Variants in MAF observed in about 807,000 individuals in gnomAD.
MAF encodes MAF bZIP transcription factor.
A neutral mutation model predicts 22.0 loss-of-function variants in MAF; 10 were observed. That is an observed-to-expected ratio of 0.45 (90% CI 0.28 to 0.77). MAF has a LOEUF of 0.77. Ranked by LOEUF, MAF falls within the 30% of genes least tolerant of loss-of-function variation. The pLI, the probability that MAF is intolerant of heterozygous loss-of-function variation, is 0.12. For missense variants in MAF, 544 were observed against 548.4 expected (o/e 0.99, Z 0.08); for synonymous variants, 337 against 255.8 (o/e 1.32, Z -3.03).
chr16:79,218,211 G>C, the MAF span, among the ~76,000 whole-genome samples: 2 of 151,378 alleles, frequency 1.3e-5, no homozygotes, highest in Non-Finnish European at 2.9e-5. Context: ...CATGGTATTT[G>C]GCTTCATGCC....
chr16:79,427,971 T>C, the MAF span, among the ~76,000 whole-genome samples: 20 of 151,920 alleles, frequency 1.3e-4, no homozygotes, highest in Non-Finnish European at 2.6e-4. Flanking sequence ...CACCCTTGAT[T>C]GCTCATAGCT....
At chr16:79,346,319 TTC>T in the MAF span, among the ~76,000 whole-genome samples, 1 of 152,076 alleles carries the variant, frequency 6.6e-6, no homozygotes, top group Non-Finnish European at 1.5e-5. Context: ...GAATGATGGT[TTC>T]CAGCTTCATC....
chr16:79,594,861 T>C (rs572324586), intron 1 of MAF: 1 of 1,220,848 alleles, frequency 8.2e-7, no homozygotes, highest in Admixed American at 4.0e-5. Context: ...TTGCATTTGA[T>C]TTTCTAAAGT....
the MAF span, among the ~76,000 whole-genome samples, chr16:79,283,409 A>G: frequency 6.6e-6 from 1 of 152,342 alleles, no homozygotes; most frequent in Middle Eastern, 3.4e-3. Context: ...ATTGGTAAAA[A>G]GTTCTCCTCA....
chr16:79,492,036 A>G, the MAF span, among the ~76,000 whole-genome samples: 1 of 152,152 alleles, frequency 6.6e-6, no homozygotes, highest in African/African-American at 2.4e-5. Context: ...CAAGCTCAAA[A>G]TATTTTCCCC....
the MAF span, among the ~76,000 whole-genome samples, chr16:79,320,741 C>A: frequency 3.9e-5 from 6 of 152,174 alleles, no homozygotes; most frequent in African/African-American, 9.7e-5. Flanking sequence ...TGATATAAAA[C>A]TATAGTAGTG....
chr16:79,382,010 T>C, the MAF span, among the ~76,000 whole-genome samples: 3 of 152,194 alleles, frequency 2.0e-5, no homozygotes, highest in Non-Finnish European at 4.4e-5. Flanking sequence ...TTAGACATCC[T>C]CCGCTGCTTC....
chr16:79,234,042 A>C, the MAF span, among the ~76,000 whole-genome samples: 1 of 151,456 alleles, frequency 6.6e-6, no homozygotes, highest in Non-Finnish European at 1.5e-5. Flanking sequence ...ATCAAACACC[A>C]ATTTTTGCTT....
chr16:79,344,365 G>A, the MAF span, among the ~76,000 whole-genome samples: 1 of 152,188 alleles, frequency 6.6e-6, no homozygotes, highest in African/African-American at 2.4e-5. Context: ...TCATATCCAA[G>A]TCTGGTGGGT....
At chr16:79,545,697 T>C in the MAF span, among the ~76,000 whole-genome samples, 1 of 152,158 alleles carries the variant, frequency 6.6e-6, no homozygotes, top group Non-Finnish European at 1.5e-5. Context: ...TTTTAAAATA[T>C]GGATGCCCAT....
chr16:79,407,981 C>G, the MAF span, among the ~76,000 whole-genome samples: 1 of 141,678 alleles, frequency 7.1e-6, no homozygotes, highest in Admixed American at 7.9e-5. Context: ...AATTCCTTCT[C>G]AGAGGGAGAT....
the MAF span, among the ~76,000 whole-genome samples, chr16:79,399,322 C>G: frequency 1.9e-4 from 29 of 152,242 alleles, 1 homozygote; most frequent in African/African-American, 6.7e-4. Flanking sequence ...ATATTAAGTG[C>G]TCAATTATTA....
chr16:79,254,192 T>G, the MAF span, among the ~76,000 whole-genome samples: 4 of 152,186 alleles, frequency 2.6e-5, no homozygotes, highest in African/African-American at 9.6e-5. Context: ...ATTCAACATT[T>G]TCGAATAATT....
the MAF span, among the ~76,000 whole-genome samples, chr16:79,415,120 G>C: frequency 2.5e-4 from 38 of 152,344 alleles, no homozygotes; most frequent in Admixed American, 2.3e-3. Context: ...ATCTTTGAGA[G>C]CAGCTCTAAC....
the MAF span, among the ~76,000 whole-genome samples, chr16:79,325,191 G>C: frequency 1.3e-5 from 2 of 152,202 alleles, no homozygotes; most frequent in South Asian, 2.1e-4. Flanking sequence ...TTCTTGGGGT[G>C]GGGGAACACC....
the MAF span, among the ~76,000 whole-genome samples, chr16:79,439,268 T>TC: frequency 2.0e-5 from 3 of 148,766 alleles, no homozygotes; most frequent in Non-Finnish European, 4.5e-5. Flanking sequence ...TTTTTTTTTT[T>TC]TTTTTTTTTT....
chr16:79,304,961 TTAATGAGCAC>T, the MAF span, among the ~76,000 whole-genome samples: 1,823 of 152,314 alleles, frequency 0.012, 37 homozygotes, highest in African/African-American at 0.042. Flanking sequence ...CACCAGCTCA[TTAATGAGCAC>T]TAATTCAGAA....
At chr16:79,323,043 G>A in the MAF span, among the ~76,000 whole-genome samples, 31,575 of 150,508 alleles carry the variant, frequency 0.21, 3,429 homozygotes, top group East Asian at 0.25. Context: ...CCAGTCACTC[G>A]GGAGGCTGGG....
the MAF span, among the ~76,000 whole-genome samples, chr16:79,411,776 A>C: frequency 1.3e-5 from 2 of 152,168 alleles, no homozygotes; most frequent in African/African-American, 2.4e-5. Flanking sequence ...CCTGCATGTT[A>C]TGCCTTTACC....
Sources: allele counts gnomAD v4.1 joint callset (sites outside exome capture counted in the v4.1 genomes callset), GRCh38; gene constraint gnomAD v4.1.1; transcripts MANE v1.5; gene names NCBI Gene and HGNC (gene_info 2026-07-23, HGNC 2026-07-21).